CNTN6: variants seen among roughly 807,000 people sequenced by gnomAD.
CNTN6 encodes contactin 6, also known as contactin-6.
In CNTN6, 137 loss-of-function variants were observed where a neutral mutation model predicts 122.8. That is an observed-to-expected ratio of 1.12 (90% CI 0.97 to 1.29). The LOEUF is 1.29. Among genes scored for constraint, CNTN6 ranks in the 50% most tolerant of loss-of-function variants. The probability of loss-of-function intolerance (pLI) is 0.00; values close to 1 mark genes in which losing one functional copy is unlikely to be tolerated. For missense variants in CNTN6, 1,634 were observed against 1,223.4 expected (o/e 1.34, Z -5.01); for synonymous variants, 570 against 426.0 (o/e 1.34, Z -4.16).
At position 1,402,352 on chromosome 3, in the gene CNTN6, A is replaced by T. The variant is rs1358651461; in HGVS notation, c.2852A>T (p.His951Leu). 4 of 1,611,442 alleles carry T rather than the reference A, an allele frequency of 2.5e-6. No homozygotes were observed. Among genetic ancestry groups the T allele is most frequent in the Admixed American group, 1.7e-5 (1 of 59,808 alleles). The change falls in exon 22 of 23, where the codon CAT (histidine) becomes CTT (leucine). Residue 951 changes from histidine to leucine, a missense_variant. Physicochemically the swap from His to Leu is moderately conservative, Grantham distance 99. Coordinates refer to ENST00000446702, the MANE Select transcript of CNTN6 (RefSeq NM_001289080.2). ...CGGCAAAACAGACAGAGTAAAACTC[A>T]TATTTTGGAAACAAACAATACATCA... ...LYRQNRQSKTHILETNNTSAE... is the reference protein window; with the variant it reads ...LYRQNRQSKTLILETNNTSAE...
chr3:1,240,940 G>T (rs1028076967), intron 4 of CNTN6, among the ~76,000 whole-genome samples: 1 of 151,916 alleles, frequency 6.6e-6, no homozygotes, highest in Non-Finnish European at 1.5e-5. Context: ...AGTCAAAGGG[G>T]GTTGTTCTCT....
intron 1 of CNTN6, among the ~76,000 whole-genome samples, chr3:1,147,204 A>G (rs1488619712): frequency 6.6e-6 from 1 of 152,104 alleles, no homozygotes; most frequent in Non-Finnish European, 1.5e-5. Flanking sequence ...CTTGATATAT[A>G]ATAGTTTTAT....
intron 1 of CNTN6, among the ~76,000 whole-genome samples, chr3:1,103,027 A>AC (rs1197356573): frequency 2.3e-4 from 35 of 150,992 alleles, no homozygotes; most frequent in African/African-American, 3.4e-4. Flanking sequence ...AATGGCGGGA[A>AC]CCCGGGAGGC....
intron 6 of CNTN6, among the ~76,000 whole-genome samples, chr3:1,297,364 A>G (rs1161857965): frequency 6.6e-6 from 1 of 152,152 alleles, no homozygotes; most frequent in Non-Finnish European, 1.5e-5. Flanking sequence ...TAGGCAGTGT[A>G]TTTACAATAG....
Position 1,329,860 on chromosome 3 carries a change from G to C in CNTN6, c.1289G>C (p.Gly430Ala), listed in dbSNP as rs959882785. 1 of 1,611,050 alleles carries C rather than the reference G, an allele frequency of 6.2e-7. No individual in the cohort carries two copies. Among genetic ancestry groups the C allele is most frequent in the African/African-American group, 1.3e-5 (1 of 74,702 alleles). Residue 430 changes from glycine to alanine, a missense_variant, in exon 11 of 23, where the codon GGA becomes GCA. Transcript: ENST00000446702. ...CAAGTTGGTGGGGATATTGTTATCG[G>C]ATGCAAACCAAATGCTTTTCCCAGG... ...FVQVGGDIVI[G>A]CKPNAFPRAA...
chr3:1,268,461 G>C (rs1038548255), intron 4 of CNTN6, among the ~76,000 whole-genome samples: 6 of 151,804 alleles, frequency 4.0e-5, no homozygotes, highest in Non-Finnish European at 7.4e-5. Context: ...TAAAAAATTA[G>C]CCAGGCGCGG....
At chr3:1,246,015 G>T (rs900552873) in intron 4 of CNTN6, among the ~76,000 whole-genome samples, 1 of 152,158 alleles carries the variant, frequency 6.6e-6, no homozygotes, top group Non-Finnish European at 1.5e-5. Flanking sequence ...CAGCCTGAGG[G>T]CTGTAGGTTG....
intron 4 of CNTN6, among the ~76,000 whole-genome samples, chr3:1,266,742 C>G (rs989949081): frequency 2.0e-5 from 3 of 152,144 alleles, no homozygotes; most frequent in African/African-American, 7.2e-5. Context: ...TGAAATCACT[C>G]TCCTTTACTC....
At chr3:1,203,034 C>T (rs2093907880) in intron 2 of CNTN6, among the ~76,000 whole-genome samples, 1 of 152,114 alleles carries the variant, frequency 6.6e-6, no homozygotes, top group South Asian at 2.1e-4. Flanking sequence ...TGATAAGGAG[C>T]ATTTCTTGAT....
At chr3:1,358,489 A>G (rs1200361796) in intron 12 of CNTN6, among the ~76,000 whole-genome samples, 1 of 150,504 alleles carries the variant, frequency 6.6e-6, no homozygotes, top group African/African-American at 2.5e-5. Context: ...AAACTATGTC[A>G]TTAAGATGGA....
chr3:1,288,250 G>A (rs939605493), intron 5 of CNTN6, among the ~76,000 whole-genome samples: 12 of 152,172 alleles, frequency 7.9e-5, no homozygotes, highest in African/African-American at 2.4e-4. Flanking sequence ...CAGTAGATGT[G>A]TAAATCAGAA....
intron 2 of CNTN6, among the ~76,000 whole-genome samples, chr3:1,200,609 T>C (rs2093849443): frequency 6.6e-6 from 1 of 152,178 alleles, no homozygotes; most frequent in Admixed American, 6.5e-5. Flanking sequence ...GGGCTCTCTT[T>C]TTTAAGCTCC....
chr3:1,294,195 C>T (rs1695814665), intron 5 of CNTN6, among the ~76,000 whole-genome samples: 1 of 151,970 alleles, frequency 6.6e-6, no homozygotes, highest in African/African-American at 2.4e-5. Flanking sequence ...TGGAAATAAT[C>T]CAAATGCTCA....
At chr3:1,330,043 C>CTAGGTATGCCAATGAGACTTT in intron 11 of CNTN6, 108 bp downstream of exon 11, 1 of 741,800 alleles carries the variant, frequency 1.3e-6, no homozygotes, top group Non-Finnish European at 2.0e-6. Flanking sequence ...GATAAAGTCT[C>CTAGGTATGCCAATGAGACTTT]ATTGGCATAC....
At position 1,384,772 on chromosome 3, in the gene CNTN6, CATATATATATATATATATATATAT is replaced by C. The variant is rs66929153; in HGVS notation, c.2518-837_2518-814del. On this transcript the variant is annotated intron_variant, in intron 19 of 22. Coordinates refer to ENST00000446702, the MANE Select transcript of CNTN6 (RefSeq NM_001289080.2). ...ACACATATATATACATATATATACA[CATATATATATATATATATATATAT>C]ACACACACACACACACATATATATA... Among the ~76,000 whole-genome samples, 46 of 120,928 alleles carry C rather than the reference CATATATATATATATATATATATAT, an allele frequency of 3.8e-4. 1 individual carries two copies. The highest frequency in any genetic ancestry group is 1.4e-3 in the African/African-American group (42 of 30,326). The allele number at this position is 120,928 out of a possible 152,430, so 79.3% of individuals were successfully genotyped here.
chr3:1,160,112 C>T (rs1285854501), intron 2 of CNTN6, among the ~76,000 whole-genome samples: 2 of 151,968 alleles, frequency 1.3e-5, no homozygotes, highest in African/African-American at 2.4e-5. Flanking sequence ...AGCCACCACG[C>T]CCGGCCAATC....
chr3:1,173,987 C>T (rs1189351694), intron 2 of CNTN6, among the ~76,000 whole-genome samples: 1 of 152,136 alleles, frequency 6.6e-6, no homozygotes, highest in Non-Finnish European at 1.5e-5. Flanking sequence ...TACTGCCTCA[C>T]AAAGGGCTTA....
intron 5 of CNTN6, among the ~76,000 whole-genome samples, chr3:1,294,148 G>C (rs1169414231): frequency 6.6e-6 from 1 of 152,120 alleles, no homozygotes; most frequent in Non-Finnish European, 1.5e-5. Context: ...CTTAGACAAG[G>C]ATGCTTATTT....
chr3:1,303,187 TATTA>T (rs1414977349), intron 7 of CNTN6, among the ~76,000 whole-genome samples: 6 of 146,954 alleles, frequency 4.1e-5, no homozygotes, highest in Non-Finnish European at 7.5e-5. Context: ...GCACTTAATA[TATTA>T]ATTATAGTAA....
Sources: allele counts gnomAD v4.1 joint callset (sites outside exome capture counted in the v4.1 genomes callset), GRCh38; gene constraint gnomAD v4.1.1; transcripts MANE v1.5; gene names NCBI Gene and HGNC (gene_info 2026-07-23, HGNC 2026-07-21).